Variants in SLC25A30 observed in about 807,000 individuals in gnomAD.
The protein encoded by SLC25A30 is kidney mitochondrial carrier protein 1.
SLC25A30 carries 29 observed loss-of-function variants against 42.7 expected under a neutral mutation model. The observed-to-expected ratio is 0.68, with a 90% CI of 0.51 to 0.93. SLC25A30 has a LOEUF of 0.93. SLC25A30 is among the 40% of genes least tolerant of loss of function. The pLI, the probability that SLC25A30 is intolerant of heterozygous loss-of-function variation, is 0.00. For missense variants in SLC25A30, 300 were observed against 359.7 expected, an observed-to-expected ratio of 0.83 and a Z score of 1.34; for synonymous variants, 124 against 131.0, an observed-to-expected ratio of 0.95 and a Z score of 0.37.
intron 6 of SLC25A30, 23 bp downstream of exon 6, chr13:45,402,252 T>C (rs1882064439): frequency 6.4e-7 from 1 of 1,560,250 alleles, no homozygotes; most frequent in African/African-American, 1.4e-5. Context: ...AATAAATCAG[T>C]TCGATCCATC....
At chr13:45,419,720 G>A (rs1382647162), upstream of SLC25A30, among the ~76,000 whole-genome samples, 3 of 150,790 alleles carry the variant, frequency 2.0e-5, no homozygotes, top group African/African-American at 4.9e-5. Flanking sequence ...ACCTGAGGTC[G>A]GGAGTTCGAG....
intron 1 of SLC25A30, among the ~76,000 whole-genome samples, chr13:45,414,486 G>T (rs1280105661): frequency 6.6e-6 from 1 of 152,044 alleles, no homozygotes; most frequent in African/African-American, 2.4e-5. Flanking sequence ...GCATGGTGGC[G>T]GGTGCCTGTA....
At chr13:45,422,868 T>C, upstream of SLC25A30, among the ~76,000 whole-genome samples, 1 of 152,116 alleles carries the variant, frequency 6.6e-6, no homozygotes, top group East Asian at 1.9e-4. Flanking sequence ...GTTATTTCTC[T>C]TGCTAAGCCC....
chr13:45,432,104 T>A, the SLC25A30 span, among the ~76,000 whole-genome samples: 7 of 151,848 alleles, frequency 4.6e-5, no homozygotes, highest in African/African-American at 1.7e-4. Context: ...ACCCCGTCTC[T>A]ACTAAAAATA....
chr13:45,425,724 G>T, the SLC25A30 span, among the ~76,000 whole-genome samples: 9 of 137,886 alleles, frequency 6.5e-5, no homozygotes, highest in African/African-American at 2.1e-4. Flanking sequence ...ACTGAGTCTC[G>T]CTGTATCCCC....
chr13:45,433,103 T>C, the SLC25A30 span, among the ~76,000 whole-genome samples: 1 of 152,010 alleles, frequency 6.6e-6, no homozygotes, highest in Non-Finnish European at 1.5e-5. Flanking sequence ...TAGCCCATCA[T>C]TTGGCTAAAT....
Position 45,408,966 on chromosome 13 carries a change from C to T in SLC25A30, c.173G>A (p.Arg58Lys). The change falls in exon 3 of 10, where the codon AGG becomes AAG. Residue 58 changes from arginine to lysine, a missense_variant. By Grantham distance (26) the Arg-to-Lys change is conservative. Transcript: ENST00000519676. The stretch of plus-strand genomic sequence containing the variant: ...TTTCAGCCCTTCTTCTCTGCCTATC[C>T]TCACTAATGCGTGCAACATTCCTCG... Reference protein sequence around the residue: ...RYRGMLHALVRIGREEGLKAL... With the variant: ...RYRGMLHALVKIGREEGLKAL... 1 of 1,612,810 alleles carries T rather than the reference C, an allele frequency of 6.2e-7. No individual in the cohort carries two copies. The highest frequency in any genetic ancestry group is 2.2e-5 in the East Asian group (1 of 44,836).
At chr13:45,423,128 G>T (rs1437885772), upstream of SLC25A30, among the ~76,000 whole-genome samples, 2 of 152,004 alleles carry the variant, frequency 1.3e-5, no homozygotes, top group African/African-American at 4.8e-5. Context: ...TGGCACTGTG[G>T]GTCCCCAATA....
intron 8 of SLC25A30, 53 bp from the exon 9 acceptor site, chr13:45,397,391 G>T: frequency 7.5e-7 from 1 of 1,330,406 alleles, no homozygotes; most frequent in South Asian, 1.2e-5. Flanking sequence ...TATGCCAAAT[G>T]CATTAATAAT....
chr13:45,426,455 C>A, the SLC25A30 span, among the ~76,000 whole-genome samples: 4 of 152,110 alleles, frequency 2.6e-5, no homozygotes, highest in Non-Finnish European at 4.4e-5. Flanking sequence ...TCAATTTTTC[C>A]TCCCGGGCCC....
At chr13:45,432,419 T>G in the SLC25A30 span, among the ~76,000 whole-genome samples, 8 of 152,180 alleles carry the variant, frequency 5.3e-5, no homozygotes, top group African/African-American at 1.9e-4. Context: ...CAGAGTGCCC[T>G]GTGCATAATA....
chr13:45,432,303 T>C, the SLC25A30 span, among the ~76,000 whole-genome samples: 1 of 151,980 alleles, frequency 6.6e-6, no homozygotes, highest in Non-Finnish European at 1.5e-5. Flanking sequence ...ACTTATCCTC[T>C]TTATAATTCT....
upstream of SLC25A30, among the ~76,000 whole-genome samples, chr13:45,422,969 CTT>C (rs964400165): frequency 6.6e-6 from 1 of 152,130 alleles, no homozygotes; most frequent in Non-Finnish European, 1.5e-5. Flanking sequence ...TGCCTGCCCT[CTT>C]TGTGCATCCA....
chr13:45,399,124 G>C (rs752421543), intron 7 of SLC25A30, 46 bp from the exon 8 acceptor site: 1 of 1,544,552 alleles, frequency 6.5e-7, no homozygotes, highest in Non-Finnish European at 8.7e-7. Context: ...AACCATCACT[G>C]AGCTACAACC....
the SLC25A30 span, among the ~76,000 whole-genome samples, chr13:45,427,869 G>A: frequency 1.3e-5 from 2 of 151,892 alleles, no homozygotes; most frequent in African/African-American, 2.4e-5. Context: ...TCAGCCTCCT[G>A]AGGAGCTGCA....
At chr13:45,422,326 G>A (rs764061517), upstream of SLC25A30, among the ~76,000 whole-genome samples, 26 of 152,184 alleles carry the variant, frequency 1.7e-4, no homozygotes, top group Non-Finnish European at 3.2e-4. Flanking sequence ...GGTAACATTT[G>A]GTGGTTGGCG....
chr13:45,396,182 T>G lies in SLC25A30; in HGVS notation c.835-167A>C, dbSNP rs529534959. ...CCACCCTTAACCACATCAAACTATCTTCCAAGGTCAGCTTGGAGCAGAAAG... is the reference window on the plus strand; with the variant it reads ...CCACCCTTAACCACATCAAACTATCGTCCAAGGTCAGCTTGGAGCAGAAAG... On this transcript the variant is annotated intron_variant, in intron 9 of 9. Transcript: ENST00000519676. 6 of 1,489,730 alleles carry G rather than the reference T, an allele frequency of 4.0e-6. No individual in the cohort carries two copies. The African/African-American group carries it at 7.0e-5, about 17-fold the overall frequency. The allele number at this position is 1,489,730 out of a possible 1,614,324, so 92.3% of individuals were successfully genotyped here. A position where few individuals can be genotyped will look rare whatever the true frequency, so the allele number is the denominator to read the frequency against.
chr13:45,432,084 A>G, the SLC25A30 span, among the ~76,000 whole-genome samples: 1 of 152,018 alleles, frequency 6.6e-6, no homozygotes, highest in Non-Finnish European at 1.5e-5. Flanking sequence ...AGCATGGCTA[A>G]CATAGTGAAA....
intron 3 of SLC25A30, among the ~76,000 whole-genome samples, 155 bp from the exon 4 acceptor site, chr13:45,406,132 G>A (rs1882485987): frequency 6.6e-6 from 1 of 151,988 alleles, no homozygotes; most frequent in Non-Finnish European, 1.5e-5. Flanking sequence ...ACCCAGGCTG[G>A]AGTGCAATGG....
Sources: allele counts gnomAD v4.1 joint callset (sites outside exome capture counted in the v4.1 genomes callset), GRCh38; gene constraint gnomAD v4.1.1; transcripts MANE v1.5; gene names NCBI Gene and HGNC (gene_info 2026-07-23, HGNC 2026-07-21).